Variants in COMMD10 observed in about 807,000 individuals in gnomAD.
COMMD10 encodes the protein COMM domain containing 10.
COMMD10 carries 33 observed loss-of-function variants against 28.9 expected under a neutral mutation model. The ratio of observed to expected loss-of-function variants is 1.14; its 90% CI spans 0.87 to 1.53. The LOEUF (loss-of-function observed/expected upper bound fraction) is 1.53. Ranked by LOEUF, COMMD10 falls within the 40% of genes most tolerant of loss-of-function variation. COMMD10 has a pLI of 0.00. For missense variants in COMMD10, 310 were observed against 233.4 expected, an observed-to-expected ratio of 1.33 and a Z score of -2.14; for synonymous variants, 110 against 81.7, an observed-to-expected ratio of 1.35 and a Z score of -1.87.
intron 2 of COMMD10, among the ~76,000 whole-genome samples, chr5:116,089,664 A>G (rs1750233837): frequency 6.6e-6 from 1 of 152,226 alleles, no homozygotes; most frequent in African/African-American, 2.4e-5. Flanking sequence ...AGGAGCTTGA[A>G]TGCTTTGCCA....
intron 5 of COMMD10, among the ~76,000 whole-genome samples, chr5:116,168,607 A>C (rs1053507071): frequency 6.6e-6 from 1 of 152,200 alleles, no homozygotes; most frequent in African/African-American, 2.4e-5. Context: ...CAGCAAATGC[A>C]AAAGAATGGA....
chr5:116,107,462 A>G (rs1296473204), intron 4 of COMMD10, among the ~76,000 whole-genome samples: 1 of 152,040 alleles, frequency 6.6e-6, no homozygotes, highest in Admixed American at 6.5e-5. Context: ...CTTTTGCTTT[A>G]TCGATTCGGC....
chr5:116,162,193 A>T (rs1456783817), intron 5 of COMMD10, among the ~76,000 whole-genome samples: 1 of 152,196 alleles, frequency 6.6e-6, no homozygotes. Context: ...TAATTTATAG[A>T]TAGCTTTATG....
intron 5 of COMMD10, among the ~76,000 whole-genome samples, chr5:116,154,311 A>G (rs999164159): frequency 1.3e-5 from 2 of 152,120 alleles, no homozygotes; most frequent in African/African-American, 2.4e-5. Context: ...AGATATATAA[A>G]TATTCATATT....
At chr5:116,152,422 G>A (rs1193951148) in intron 5 of COMMD10, among the ~76,000 whole-genome samples, 4 of 152,034 alleles carry the variant, frequency 2.6e-5, no homozygotes, top group Admixed American at 2.6e-4. Context: ...TAGTATGGCA[G>A]TGTGCCAACT....
intron 5 of COMMD10, among the ~76,000 whole-genome samples, chr5:116,155,964 A>T (rs1752693809): frequency 6.6e-6 from 1 of 152,106 alleles, no homozygotes; most frequent in African/African-American, 2.4e-5. Flanking sequence ...GAGAAGTGTT[A>T]AGTTTATTAT....
At chr5:116,110,747 G>A (rs1435694515) in intron 4 of COMMD10, among the ~76,000 whole-genome samples, 2 of 152,146 alleles carry the variant, frequency 1.3e-5, no homozygotes, top group African/African-American at 4.8e-5. Flanking sequence ...AACAATCATA[G>A]CAAAAGGTGA....
intron 5 of COMMD10, among the ~76,000 whole-genome samples, chr5:116,134,970 C>G (rs1387704179): frequency 6.6e-6 from 1 of 152,094 alleles, no homozygotes; most frequent in Non-Finnish European, 1.5e-5. Context: ...AATTTCAGAA[C>G]AACTTGAACG....
At chr5:116,178,433 T>C (rs1005800411) in intron 5 of COMMD10, among the ~76,000 whole-genome samples, 8 of 152,042 alleles carry the variant, frequency 5.3e-5, no homozygotes, top group African/African-American at 1.9e-4. Context: ...ATATTTGGAG[T>C]TATTATAAAG....
chr5:116,135,048 C>G (rs1378279273), intron 5 of COMMD10, among the ~76,000 whole-genome samples: 1 of 152,148 alleles, frequency 6.6e-6, no homozygotes, highest in Non-Finnish European at 1.5e-5. Flanking sequence ...GGAAATATAT[C>G]TTTCAGATAT....
chr5:116,149,537 T>C (rs1282488814), intron 5 of COMMD10, among the ~76,000 whole-genome samples: 1 of 144,126 alleles, frequency 6.9e-6, no homozygotes. Context: ...GACTTTTTAA[T>C]GATTGCCATT....
intron 5 of COMMD10, among the ~76,000 whole-genome samples, chr5:116,238,635 C>T (rs566740603): frequency 6.6e-6 from 1 of 152,034 alleles, no homozygotes; most frequent in African/African-American, 2.4e-5. Flanking sequence ...TGTAGGCTCC[C>T]CAGGAGTTCA....
At chr5:116,251,426 A>G (rs147969183) in intron 5 of COMMD10, among the ~76,000 whole-genome samples, 12,441 of 126,610 alleles carry the variant, frequency 0.098, 730 homozygotes, top group African/African-American at 0.14. Context: ...ATATCTCCCA[A>G]TGCTATCCCT....
chr5:116,235,221 A>C (rs1258880636), intron 5 of COMMD10, among the ~76,000 whole-genome samples: 1 of 152,180 alleles, frequency 6.6e-6, no homozygotes, highest in Non-Finnish European at 1.5e-5. Flanking sequence ...CATAGTCAAA[A>C]ACAGAGAACA....
At chr5:116,207,710 G>A (rs573361194) in intron 5 of COMMD10, among the ~76,000 whole-genome samples, 2 of 152,196 alleles carry the variant, frequency 1.3e-5, no homozygotes, top group African/African-American at 4.8e-5. Flanking sequence ...GTTTTTAGTA[G>A]AGATGAGGTT....
intron 5 of COMMD10, among the ~76,000 whole-genome samples, chr5:116,146,324 T>G (rs1375418842): frequency 6.6e-6 from 1 of 151,842 alleles, no homozygotes; most frequent in East Asian, 1.9e-4. Context: ...GAGTATTAAT[T>G]TCATAATGAG....
chr5:116,227,653 A>G (rs1367322072), intron 5 of COMMD10, among the ~76,000 whole-genome samples: 1 of 151,874 alleles, frequency 6.6e-6, no homozygotes, highest in East Asian at 1.9e-4. Context: ...TATTATCTTC[A>G]TTTTCCAAGG....
rs150379212 is a variant in COMMD10 at position 116,117,666 on chromosome 5, A to G, written c.400-16402A>G. 7.2e-3 allele frequency among the ~76,000 whole-genome samples: 1,097 copies of G among 152,068 alleles called. 6 individuals are homozygous for G. Among genetic ancestry groups the G allele is most frequent in the Middle Eastern group, 0.014 (4 of 294 alleles). On this transcript the variant is annotated intron_variant, in intron 4 of 6. Coordinates refer to ENST00000274458, the MANE Select transcript of COMMD10 (RefSeq NM_016144.4). ...TTTTTAGTAGAGGTGGGGTTTCACC[A>G]TGTTGGCCAGGCTGGTCTTGAACCC... is the stretch of plus-strand genomic sequence containing the variant.
intron 5 of COMMD10, among the ~76,000 whole-genome samples, chr5:116,181,541 G>T (rs6878530): frequency 0.11 from 16,709 of 150,938 alleles, 1,335 homozygotes; most frequent in African/African-American, 0.22. Context: ...ATGAAACATG[G>T]TTAATCATAA....
Sources: allele counts gnomAD v4.1 joint callset (sites outside exome capture counted in the v4.1 genomes callset), GRCh38; gene constraint gnomAD v4.1.1; transcripts MANE v1.5; gene names NCBI Gene and HGNC (gene_info 2026-07-23, HGNC 2026-07-21).